Variants in B4GALT2 observed in about 807,000 individuals in gnomAD.
B4GALT2 encodes beta-1,4-galactosyltransferase 2.
A neutral mutation model predicts 33.2 loss-of-function variants in B4GALT2; 18 were observed. The observed-to-expected ratio is 0.54, with a 90% CI of 0.38 to 0.80. B4GALT2 has a LOEUF of 0.80. Among genes scored for constraint, B4GALT2 ranks in the 30% least tolerant of loss-of-function variants. B4GALT2 has a pLI of 0.00. For missense variants in B4GALT2, 404 were observed against 526.2 expected, an observed-to-expected ratio of 0.77 and a Z score of 2.27; for synonymous variants, 214 against 217.6, an observed-to-expected ratio of 0.98 and a Z score of 0.15.
chr1:43,988,356 C>CAAAAA (rs59935883), intron 6 of B4GALT2, among the ~76,000 whole-genome samples: 2 of 73,730 alleles, frequency 2.7e-5, no homozygotes, highest in Non-Finnish European at 6.4e-5. Flanking sequence ...ACCAAAAATA[C>CAAAAA]AAAAAAAAAA....
At chr1:43,980,520 C>A in intron 1 of B4GALT2, 7 of 995,148 alleles carry the variant, frequency 7.0e-6, no homozygotes, top group Non-Finnish European at 8.4e-6. Context: ...GTTGGCCTGG[C>A]CTGCTTGTCG....
At chr1:43,980,198 G>C (rs2085579412) in intron 1 of B4GALT2, 3 of 863,660 alleles carry the variant, frequency 3.5e-6, no homozygotes, top group Non-Finnish European at 4.9e-6. Context: ...AGCACTGCCA[G>C]AAGTGGCTGC....
At position 43,979,845 on chromosome 1, in the gene B4GALT2, G is replaced by C; in HGVS notation, c.-53+334G>C. ...TGCCCCCAGGCTCCACACCCACCCG[G>C]TCTGTGCGGCCTGCCCGTCCGCGGG... is the stretch of plus-strand genomic sequence containing the variant. On this transcript the variant is annotated intron_variant, in intron 1 of 6. Coordinates refer to ENST00000372324, the MANE Select transcript of B4GALT2 (RefSeq NM_003780.5). This position sits in a 1 kb window ranked among gnomAD's most constrained non-coding sequence, Gnocchi z 4.8. 2 of 692,382 alleles carry C rather than the reference G, an allele frequency of 2.9e-6. No individual in the cohort carries two copies. The highest frequency in any genetic ancestry group is 3.6e-5 in the South Asian group (2 of 56,280). 42.9% of individuals were successfully genotyped at this position (692,382 alleles called of 1,614,324 possible). A position where few individuals can be genotyped will look rare whatever the true frequency, so the allele number is the denominator to read the frequency against.
At chr1:43,983,988 C>T (rs922750236) in intron 3 of B4GALT2, among the ~76,000 whole-genome samples, 1 of 152,188 alleles carries the variant, frequency 6.6e-6, no homozygotes, top group African/African-American at 2.4e-5. Context: ...TCTCCAGGAA[C>T]CTTTCTGGTT....
chr1:43,982,144 C>A lies in B4GALT2; in HGVS notation c.549+220C>A, dbSNP rs2085607668. Among the ~76,000 whole-genome samples, 1 of 151,954 alleles carries A rather than the reference C, an allele frequency of 6.6e-6. No individual in the cohort carries two copies. The highest frequency in any genetic ancestry group is 2.1e-4 in the South Asian group (1 of 4,838). On this transcript the variant is annotated intron_variant, in intron 3 of 6. Transcript: ENST00000372324. This position sits in a 1 kb window ranked among gnomAD's most constrained non-coding sequence, Gnocchi z 4.3. ...GTCTCAGAAGGGGTTGAGCCCCACT[C>A]TCTACCCTTGGCAGGCCTCACCCCA...
rs149734756 is a variant in B4GALT2 at position 43,981,887 on chromosome 1, G to A, written c.512G>A (p.Arg171Gln). The A allele has an allele frequency of 1.2e-5, 20 of 1,613,742 alleles. No homozygotes were observed. The South Asian group carries it at 1.3e-4, about 11-fold the overall frequency. ...CACTATCTACACCCCATCTTGAGGCGGCAGCGGCTGCGCTACGGCGTCTAT... is the reference window on the plus strand; with the variant it reads ...CACTATCTACACCCCATCTTGAGGCAGCAGCGGCTGCGCTACGGCGTCTAT... ...WLHYLHPILR[R>Q]QRLRYGVYVI... The change falls in exon 3 of 7, where the codon CGG becomes CAG. Residue 171 changes from arginine (R) to glutamine (Q), a missense_variant. By Grantham distance (43) the Arg-to-Gln change is conservative. Coordinates refer to ENST00000372324, the MANE Select transcript of B4GALT2 (RefSeq NM_003780.5). The surrounding 1 kb of genome is among the most constrained non-coding windows in gnomAD (Gnocchi z 8.1).
chr1:43,990,434 C>T lies in B4GALT2; in HGVS notation c.1105C>T (p.Pro369Ser), dbSNP rs376592357. Residue 369 changes from proline (P) to serine (S), a missense_variant, in exon 7 of 7, where the codon CCC becomes TCC. Physicochemically the swap from Pro to Ser is moderately conservative, Grantham distance 74 (BLOSUM62 -1). Coordinates refer to ENST00000372324, the MANE Select transcript of B4GALT2 (RefSeq NM_003780.5). The stretch of plus-strand genomic sequence containing the variant: ...GGACATTGGGCGGCCTCCGTCGTGG[C>T]CCCCTCGGGGCTGACACTAATGGAC... ...TVDIGRPPSW[P>S]PRG 12 of 1,613,940 alleles carry T rather than the reference C, an allele frequency of 7.4e-6. No homozygotes were observed. The highest frequency in any genetic ancestry group is 1.0e-5 in the Non-Finnish European group (12 of 1,180,006).
At chr1:43,988,100 T>C (rs1425977347) in intron 6 of B4GALT2, among the ~76,000 whole-genome samples, 1 of 152,160 alleles carries the variant, frequency 6.6e-6, no homozygotes, top group African/African-American at 2.4e-5. Flanking sequence ...AATAAATAGC[T>C]GGCAAGAGAG....
rs2085611004 is a variant in B4GALT2 at position 43,982,405 on chromosome 1, A to G, written c.549+481A>G. On this transcript the variant is annotated intron_variant, in intron 3 of 6. Coordinates refer to ENST00000372324, the MANE Select transcript of B4GALT2 (RefSeq NM_003780.5). The surrounding 1 kb of genome is among the most constrained non-coding windows in gnomAD (Gnocchi z 4.3). Reference sequence around the variant, plus strand: ...AGGCCCCCCCGCCCCCGCCGACCACAGAGACCTCCTAGACTTGGACATGGG... The same window carrying G: ...AGGCCCCCCCGCCCCCGCCGACCACGGAGACCTCCTAGACTTGGACATGGG... 6.6e-6 allele frequency among the ~76,000 whole-genome samples: 1 copy of G among 151,124 alleles called. No individual in the cohort carries two copies. The highest frequency in any genetic ancestry group is 1.5e-5 in the Non-Finnish European group (1 of 67,682).
intron 6 of B4GALT2, among the ~76,000 whole-genome samples, chr1:43,988,477 G>A (rs983281198): frequency 1.3e-4 from 19 of 151,904 alleles, no homozygotes; most frequent in Admixed American, 1.2e-3. Flanking sequence ...GGCCAAAATG[G>A]TGAACCCCAT....
intron 6 of B4GALT2, 130 bp downstream of exon 6, chr1:43,985,751 G>A: frequency 1.2e-6 from 1 of 802,214 alleles, no homozygotes; most frequent in Non-Finnish European, 2.1e-6. Context: ...CCAAAAAGGT[G>A]ACTCCCAGTG....
intron 5 of B4GALT2, 31 bp from the exon 6 acceptor site, chr1:43,985,486 C>T (rs1484884706): frequency 6.8e-6 from 11 of 1,606,492 alleles, no homozygotes; most frequent in Non-Finnish European, 8.5e-6. Flanking sequence ...CTTCCTGGAG[C>T]CTGTTCCAGT....
chr1:43,983,821 A>G (rs2085627211), intron 3 of B4GALT2, among the ~76,000 whole-genome samples: 1 of 152,068 alleles, frequency 6.6e-6, no homozygotes, highest in African/African-American at 2.4e-5. Flanking sequence ...GGCTGGGGGA[A>G]GAGGAGGTGC....
In B4GALT2 at chr1:43,979,927, G is replaced by A. The variant is rs1003068024; in HGVS notation, c.-53+416G>A. The A allele has an allele frequency of 7.4e-6, 11 of 1,492,912 alleles. No homozygotes were observed. The African/African-American group carries it at 1.4e-4, about 19-fold the overall frequency. 92.5% of individuals were successfully genotyped at this position (1,492,912 alleles called of 1,614,324 possible). On this transcript the variant is annotated intron_variant, in intron 1 of 6. Transcript: ENST00000372324. The surrounding 1 kb of genome is among the most constrained non-coding windows in gnomAD (Gnocchi z 4.8). ...AACGCACCCCTCAGCCTGGCCGCCA[G>A]CCTGACCCAGAACCCCTGCGCCGGA...
chr1:43,985,509 AT>A lies in B4GALT2; in HGVS notation c.864-7del. ...AGCCTGTTCCAGTCTGTCCGTCCCCATCCTCAGGATCTCCCTGACTGGGATG... is the reference window on the plus strand; with the variant it reads ...AGCCTGTTCCAGTCTGTCCGTCCCCACCTCAGGATCTCCCTGACTGGGATG... On this transcript the variant is annotated splice_polypyrimidine_tract_variant and splice_region_variant and intron_variant, in intron 5 of 6. Coordinates refer to ENST00000372324, the MANE Select transcript of B4GALT2 (RefSeq NM_003780.5). The A allele has an allele frequency of 6.2e-7, 1 of 1,607,746 alleles. No homozygotes were observed. Among genetic ancestry groups the A allele is most frequent in the Non-Finnish European group, 8.5e-7 (1 of 1,178,734 alleles).
chr1:43,980,802 G>GT (rs1023085054), intron 1 of B4GALT2, among the ~76,000 whole-genome samples: 1 of 152,116 alleles, frequency 6.6e-6, no homozygotes, highest in Non-Finnish European at 1.5e-5. Flanking sequence ...CTGGGAATGC[G>GT]TGAGTGTGTG....
chr1:43,979,882 CA>C lies in B4GALT2; in HGVS notation c.-53+372del. The C allele has an allele frequency of 9.4e-7, 1 of 1,067,830 alleles. No homozygotes were observed. Among genetic ancestry groups the C allele is most frequent in the Admixed American group, 2.3e-5 (1 of 43,418 alleles). 66.1% of individuals were successfully genotyped at this position (1,067,830 alleles called of 1,614,324 possible). A position where few individuals can be genotyped will look rare whatever the true frequency, so the allele number is the denominator to read the frequency against. The stretch of plus-strand genomic sequence containing the variant: ...TGCCCGTCCGCGGGTGCCACGTGTT[CA>C]GCCTGCCAGCCCCGCCCAAACGCAC... On this transcript the variant is annotated intron_variant, in intron 1 of 6. Transcript: ENST00000372324. The surrounding 1 kb of genome is among the most constrained non-coding windows in gnomAD (Gnocchi z 4.8).
intron 6 of B4GALT2, chr1:43,985,963 G>T (rs538075908): frequency 4.4e-4 from 150 of 340,608 alleles, no homozygotes; most frequent in African/African-American, 2.9e-3. Flanking sequence ...CCTCACTTGT[G>T]CACCTGTGGG....
At chr1:43,985,209 C>A in intron 4 of B4GALT2, 69 bp from the exon 5 acceptor site, 2 of 1,570,656 alleles carry the variant, frequency 1.3e-6, no homozygotes, top group Non-Finnish European at 1.7e-6. Flanking sequence ...TTCCCCCCGA[C>A]CTGGTCTCTG....
Sources: allele counts gnomAD v4.1 joint callset (sites outside exome capture counted in the v4.1 genomes callset), GRCh38; gene constraint gnomAD v4.1.1; non-coding constraint Gnocchi (gnomAD v3.1); transcripts MANE v1.5; gene names NCBI Gene and HGNC (gene_info 2026-07-23, HGNC 2026-07-21).